ERC2: variants seen among roughly 807,000 people sequenced by gnomAD.
ERC2 encodes the protein ERC protein 2.
Under a neutral mutation model 114.8 loss-of-function variants are expected in ERC2, and 42 were observed. That is an observed-to-expected ratio of 0.37 (90% CI 0.29 to 0.47). The LOEUF is 0.47. ERC2 is among the 20% of genes least tolerant of loss of function. The probability of loss-of-function intolerance (pLI) is 0.99; values close to 1 mark genes in which losing one functional copy is unlikely to be tolerated. For synonymous variants in ERC2, 454 were observed against 425.5 expected, an observed-to-expected ratio of 1.07 and a Z score of -0.82; for missense variants, 939 against 1,150.7, an observed-to-expected ratio of 0.82 and a Z score of 2.66.
chr3:56,157,301 A>G (rs1234547467), intron 4 of ERC2, among the ~76,000 whole-genome samples: 4 of 152,154 alleles, frequency 2.6e-5, no homozygotes, highest in African/African-American at 9.7e-5. Flanking sequence ...AAAAGAAAAA[A>G]GTAAAGAGGC....
At chr3:55,622,038 G>A (rs976668924) in intron 17 of ERC2, among the ~76,000 whole-genome samples, 5 of 152,196 alleles carry the variant, frequency 3.3e-5, no homozygotes, top group African/African-American at 1.2e-4. Flanking sequence ...ACTGGACATA[G>A]TTGGGTAAGA....
At chr3:56,141,375 G>T (rs1033750856) in intron 5 of ERC2, among the ~76,000 whole-genome samples, 3 of 152,138 alleles carry the variant, frequency 2.0e-5, no homozygotes, top group Non-Finnish European at 4.4e-5. Flanking sequence ...GGGACTGGCA[G>T]CTTCTGCTTC....
chr3:56,420,428 T>G (rs1559478252), intron 2 of ERC2, among the ~76,000 whole-genome samples: 1 of 152,024 alleles, frequency 6.6e-6, no homozygotes, highest in Non-Finnish European at 1.5e-5. Context: ...TCCTCCCACT[T>G]CTGTCTCACA....
chr3:56,033,005 A>AAG (rs1560057815), intron 7 of ERC2, among the ~76,000 whole-genome samples: 26 of 137,454 alleles, frequency 1.9e-4, no homozygotes, highest in African/African-American at 6.9e-4. Context: ...GAAAGAAAGA[A>AAG]AGAAAGAAAG....
chr3:55,905,077 T>C (rs888626431), intron 13 of ERC2, among the ~76,000 whole-genome samples: 1 of 152,192 alleles, frequency 6.6e-6, no homozygotes, highest in East Asian at 1.9e-4. Flanking sequence ...TATGTCTTGA[T>C]GTGTTTCACG....
At chr3:55,677,894 G>A (rs555417391) in intron 17 of ERC2, among the ~76,000 whole-genome samples, 1 of 152,272 alleles carries the variant, frequency 6.6e-6, no homozygotes, top group South Asian at 2.1e-4. Context: ...AGCTCCTCGA[G>A]GGTAGGAATC....
At chr3:56,453,645 C>T (rs2062924639) in intron 1 of ERC2, among the ~76,000 whole-genome samples, 1 of 152,154 alleles carries the variant, frequency 6.6e-6, no homozygotes, top group South Asian at 2.1e-4. Context: ...AGATGCAAAT[C>T]ATTTGTAAAT....
intron 17 of ERC2, among the ~76,000 whole-genome samples, chr3:55,603,916 G>T (rs566735898): frequency 2.6e-5 from 4 of 152,032 alleles, no homozygotes; most frequent in African/African-American, 9.6e-5. Context: ...CTTGAATAAA[G>T]ACAGTAAAAA....
chr3:56,213,501 T>C (rs1048341170), intron 3 of ERC2, among the ~76,000 whole-genome samples: 1 of 151,986 alleles, frequency 6.6e-6, no homozygotes, highest in Non-Finnish European at 1.5e-5. Context: ...CTTGAGTAGG[T>C]AAACAAAGCA....
Position 55,963,841 on chromosome 3 carries a change from T to C in ERC2, c.2268-13281A>G, listed in dbSNP as rs146730894. 2.0e-4 allele frequency among the ~76,000 whole-genome samples: 30 copies of C among 152,306 alleles called. No homozygotes were observed. The East Asian group carries it at 5.4e-3, about 27-fold the overall frequency. On this transcript the variant is annotated intron_variant, in intron 12 of 17. Transcript: ENST00000288221. ...TGGAGGAAACCAACATTCCGCAGTC[T>C]GGCCAGAGGTTGAGGGCGATTTGCC... is the stretch of plus-strand genomic sequence containing the variant.
At chr3:55,576,048 C>T (rs534865178) in intron 17 of ERC2, among the ~76,000 whole-genome samples, 39 of 152,232 alleles carry the variant, frequency 2.6e-4, no homozygotes, top group African/African-American at 7.9e-4. Flanking sequence ...CGGTGGCTCA[C>T]GTCTGTAATC....
intron 12 of ERC2, among the ~76,000 whole-genome samples, chr3:55,977,009 G>T (rs2069640782): frequency 6.6e-6 from 1 of 152,196 alleles, no homozygotes; most frequent in African/African-American, 2.4e-5. Flanking sequence ...ACAGAGAGAA[G>T]GCTCTATCCA....
chr3:56,012,251 C>T (rs1281775861), intron 8 of ERC2, among the ~76,000 whole-genome samples: 4 of 152,100 alleles, frequency 2.6e-5, no homozygotes, highest in African/African-American at 9.7e-5. Context: ...ATTACCCAGC[C>T]ACCTCTCCGT....
At chr3:56,280,916 G>A (rs2150320155) in intron 3 of ERC2, among the ~76,000 whole-genome samples, 1 of 152,104 alleles carries the variant, frequency 6.6e-6, no homozygotes, top group East Asian at 1.9e-4. Context: ...ATCCTGAATG[G>A]GATTAAATTT....
chr3:56,413,417 C>T (rs540957629), intron 2 of ERC2, among the ~76,000 whole-genome samples: 7 of 152,298 alleles, frequency 4.6e-5, no homozygotes, highest in Non-Finnish European at 8.8e-5. Context: ...TTGGGGTCAG[C>T]GCACAGCAGG....
intron 2 of ERC2, among the ~76,000 whole-genome samples, chr3:56,306,974 G>A (rs1183001417): frequency 2.6e-5 from 4 of 152,146 alleles, no homozygotes; most frequent in South Asian, 2.1e-4. Context: ...CACTCCCCAC[G>A]TATCAGCAGA....
intron 17 of ERC2, among the ~76,000 whole-genome samples, chr3:55,651,646 A>T (rs779781820): frequency 6.6e-6 from 1 of 152,210 alleles, no homozygotes; most frequent in Non-Finnish European, 1.5e-5. Context: ...TATGTGGCTC[A>T]GTCTTTCATA....
At chr3:55,593,607 A>G (rs2058003117) in intron 17 of ERC2, among the ~76,000 whole-genome samples, 1 of 152,154 alleles carries the variant, frequency 6.6e-6, no homozygotes, top group African/African-American at 2.4e-5. Context: ...CATGTGCCTC[A>G]CTGATGACAC....
intron 17 of ERC2, among the ~76,000 whole-genome samples, chr3:55,513,816 A>T (rs1483996917): frequency 6.6e-6 from 1 of 151,696 alleles, no homozygotes; most frequent in Non-Finnish European, 1.5e-5. Flanking sequence ...GTATTTTTTT[A>T]CAGAGATGTG....
Sources: allele counts gnomAD v4.1 joint callset (sites outside exome capture counted in the v4.1 genomes callset), GRCh38; gene constraint gnomAD v4.1.1; transcripts MANE v1.5; gene names NCBI Gene and HGNC (gene_info 2026-07-23, HGNC 2026-07-21).